Variants in TMEM132D observed in about 807,000 individuals in gnomAD.
The protein encoded by TMEM132D is mature OL transmembrane protein.
TMEM132D carries 21 observed loss-of-function variants against 62.3 expected under a neutral mutation model. That is an observed-to-expected ratio of 0.34 (90% CI 0.24 to 0.49). The LOEUF is 0.49. TMEM132D is among the 20% of genes least tolerant of loss of function. The pLI is 0.99. For missense variants in TMEM132D, 1,346 were observed against 1,402.8 expected (o/e 0.96, Z 0.65); for synonymous variants, 621 against 575.6 (o/e 1.08, Z -1.13).
chr12:129,799,647 G>A (rs1402309639), intron 1 of TMEM132D, among the ~76,000 whole-genome samples: 14 of 152,098 alleles, frequency 9.2e-5, no homozygotes, highest in East Asian at 1.9e-4. Flanking sequence ...TCACACTTGC[G>A]CACTTCACTT....
At chr12:129,290,931 C>A (rs1335179121) in intron 4 of TMEM132D, among the ~76,000 whole-genome samples, 1 of 152,082 alleles carries the variant, frequency 6.6e-6, no homozygotes, top group Non-Finnish European at 1.5e-5. Context: ...GAGCTTAAGG[C>A]AGAAATTGCA....
chr12:129,427,806 G>T, intron 3 of TMEM132D, among the ~76,000 whole-genome samples: 1 of 151,840 alleles, frequency 6.6e-6, no homozygotes, highest in Non-Finnish European at 1.5e-5. Flanking sequence ...TTAGGGTACC[G>T]CAATGCAATA....
At chr12:129,473,324 G>GTTTTTTTTTTTT (rs751523415) in intron 3 of TMEM132D, among the ~76,000 whole-genome samples, 10 of 81,548 alleles carry the variant, frequency 1.2e-4, no homozygotes, top group Admixed American at 5.8e-4. Flanking sequence ...TTTAGTTTTT[G>GTTTTTTTTTTTT]TTTTTTTTTT....
At chr12:129,166,703 A>G (rs1877564373) in intron 5 of TMEM132D, among the ~76,000 whole-genome samples, 1 of 141,782 alleles carries the variant, frequency 7.1e-6, no homozygotes, top group Non-Finnish European at 1.6e-5. Context: ...ACACACACAC[A>G]CACACACACA....
intron 5 of TMEM132D, among the ~76,000 whole-genome samples, chr12:129,098,897 C>G (rs1281167768): frequency 6.6e-6 from 1 of 152,226 alleles, no homozygotes; most frequent in Non-Finnish European, 1.5e-5. Flanking sequence ...CCTACCCTCT[C>G]TTAATCCTCT....
In TMEM132D at chr12:129,437,192, A is replaced by G. The variant is rs76412239; in HGVS notation, c.1115+93867T>C. On this transcript the variant is annotated intron_variant, in intron 3 of 8. Coordinates refer to ENST00000422113, the MANE Select transcript of TMEM132D (RefSeq NM_133448.3). ...GGATGATAAGGTCCTTTGCCCAGGA[A>G]GTTGAGGAGGGAGATGCCCTCTTTC... 2.5e-3 allele frequency among the ~76,000 whole-genome samples: 384 copies of G among 152,232 alleles called. 1 individual carries two copies. The highest frequency in any genetic ancestry group is 8.9e-3 in the African/African-American group (368 of 41,542).
intron 4 of TMEM132D, among the ~76,000 whole-genome samples, chr12:129,280,657 G>A (rs1881117183): frequency 6.6e-6 from 1 of 152,098 alleles, no homozygotes; most frequent in South Asian, 2.1e-4. Context: ...GCCTCCATAA[G>A]TATGTAAGCC....
intron 3 of TMEM132D, among the ~76,000 whole-genome samples, chr12:129,437,340 A>T (rs969834268): frequency 6.6e-6 from 1 of 152,110 alleles, no homozygotes; most frequent in Non-Finnish European, 1.5e-5. Context: ...CCTTCCCCCA[A>T]ACAGCTCCAT....
At chr12:129,129,059 A>T (rs141111884) in intron 5 of TMEM132D, among the ~76,000 whole-genome samples, 226 of 152,280 alleles carry the variant, frequency 1.5e-3, no homozygotes, top group African/African-American at 4.9e-3. Flanking sequence ...CATGATGCTG[A>T]GGTTTGGGAT....
intron 2 of TMEM132D, among the ~76,000 whole-genome samples, chr12:129,635,596 A>T (rs1423683985): frequency 6.6e-6 from 1 of 152,232 alleles, no homozygotes; most frequent in African/African-American, 2.4e-5. Context: ...ACCAGCGCTC[A>T]GGGGACTTGT....
At chr12:129,404,241 C>T (rs1399609580) in intron 3 of TMEM132D, among the ~76,000 whole-genome samples, 1 of 152,036 alleles carries the variant, frequency 6.6e-6, no homozygotes, top group Non-Finnish European at 1.5e-5. Flanking sequence ...CTCTGTTGCC[C>T]AGGCTGGAGT....
At chr12:129,640,324 T>A (rs1879610358) in intron 2 of TMEM132D, among the ~76,000 whole-genome samples, 1 of 152,088 alleles carries the variant, frequency 6.6e-6, no homozygotes, top group Non-Finnish European at 1.5e-5. Flanking sequence ...TTTCATAAAA[T>A]CCACATCGGA....
chr12:129,246,776 A>G lies in TMEM132D; in HGVS notation c.1300-37113T>C, dbSNP rs79265258. 6.3e-3 allele frequency among the ~76,000 whole-genome samples: 718 copies of G among 113,642 alleles called. 1 individual carries two copies. Among genetic ancestry groups the G allele is most frequent in the African/African-American group, 0.024 (673 of 28,252 alleles). The allele number at this position is 113,642 out of a possible 152,430, so 74.6% of individuals were successfully genotyped here. A position where few individuals can be genotyped will look rare whatever the true frequency, so the allele number is the denominator to read the frequency against. On this transcript the variant is annotated intron_variant, in intron 4 of 8. Transcript: ENST00000422113. ...GCAAGACTCTATCTCAAAAAAAAAA[A>G]AAAGATAGAAAGTAGGCACATGGTA...
intron 3 of TMEM132D, among the ~76,000 whole-genome samples, chr12:129,470,059 A>G (rs1874049132): frequency 6.6e-6 from 1 of 152,200 alleles, no homozygotes; most frequent in African/African-American, 2.4e-5. Context: ...CCTAGAATCT[A>G]TACATGGGGA....
At chr12:129,273,470 C>G (rs1037619720) in intron 4 of TMEM132D, among the ~76,000 whole-genome samples, 2 of 147,320 alleles carry the variant, frequency 1.4e-5, no homozygotes, top group Middle Eastern at 3.3e-3. Context: ...TGAACTCATA[C>G]GTTCACTGCA....
chr12:129,795,712 A>C (rs970156429), intron 1 of TMEM132D, among the ~76,000 whole-genome samples: 3 of 152,172 alleles, frequency 2.0e-5, no homozygotes, highest in African/African-American at 4.8e-5. Context: ...GGTTTTATCG[A>C]AATTGTAGTT....
At chr12:129,808,283 G>C (rs1872059199) in intron 1 of TMEM132D, among the ~76,000 whole-genome samples, 1 of 152,080 alleles carries the variant, frequency 6.6e-6, no homozygotes, top group South Asian at 2.1e-4. Flanking sequence ...TTATTAGATC[G>C]AGAATCTAGA....
At chr12:129,181,650 T>C (rs1236700947) in intron 5 of TMEM132D, among the ~76,000 whole-genome samples, 1 of 152,164 alleles carries the variant, frequency 6.6e-6, no homozygotes, top group African/African-American at 2.4e-5. Context: ...GAGACAAACC[T>C]GACAGGCACA....
At chr12:129,841,177 A>G (rs1336153187) in intron 1 of TMEM132D, among the ~76,000 whole-genome samples, 1 of 152,172 alleles carries the variant, frequency 6.6e-6, no homozygotes, top group African/African-American at 2.4e-5. Flanking sequence ...CTACTTTTTT[A>G]AAGCCTCAAC....
Sources: allele counts gnomAD v4.1 joint callset (sites outside exome capture counted in the v4.1 genomes callset), GRCh38; gene constraint gnomAD v4.1.1; transcripts MANE v1.5; gene names NCBI Gene and HGNC (gene_info 2026-07-23, HGNC 2026-07-21).